The following GRM7 variants were observed in gnomAD, a reference collection of about 807,000 sequenced individuals.
GRM7 encodes the protein glutamate metabotropic receptor 7.
In GRM7, 35 loss-of-function variants were observed where a neutral mutation model predicts 84.5. That is an observed-to-expected ratio of 0.41 (90% CI 0.32 to 0.55). The LOEUF (loss-of-function observed/expected upper bound fraction) is 0.55, where lower values mean the gene tolerates loss of function less well. GRM7 is among the 20% of genes least tolerant of loss of function. The pLI, the probability that GRM7 is intolerant of heterozygous loss-of-function variation, is 0.19. For missense variants in GRM7, 1,003 were observed against 1,194.6 expected (o/e 0.84, Z 2.36); for synonymous variants, 487 against 455.1 (o/e 1.07, Z -0.89).
intron 8 of GRM7, among the ~76,000 whole-genome samples, chr3:7,621,472 A>T (rs1697348895): frequency 6.6e-6 from 1 of 152,154 alleles, no homozygotes; most frequent in Non-Finnish European, 1.5e-5. Flanking sequence ...ATTAGCATCT[A>T]CCGGAATGCA....
chr3:7,066,455 C>T (rs1193315238), intron 1 of GRM7, among the ~76,000 whole-genome samples: 1 of 151,812 alleles, frequency 6.6e-6, no homozygotes, highest in Non-Finnish European at 1.5e-5. Flanking sequence ...AAAAATACAA[C>T]ACTCTTAGCT....
chr3:7,357,503 T>C (rs933533947), intron 4 of GRM7, among the ~76,000 whole-genome samples: 19 of 152,094 alleles, frequency 1.2e-4, no homozygotes, highest in African/African-American at 4.3e-4. Flanking sequence ...TTTTTTCCTC[T>C]AGGTTGTTAT....
At chr3:7,345,129 A>G (rs1692831756) in intron 4 of GRM7, among the ~76,000 whole-genome samples, 1 of 152,144 alleles carries the variant, frequency 6.6e-6, no homozygotes, top group Non-Finnish European at 1.5e-5. Flanking sequence ...TTTTATAGAA[A>G]GAAGCTGACC....
chr3:7,444,172 C>A (rs544757441), intron 5 of GRM7, among the ~76,000 whole-genome samples: 2 of 152,272 alleles, frequency 1.3e-5, no homozygotes, highest in South Asian at 4.1e-4. Context: ...AAAGTTCAAC[C>A]TGAATACAAC....
chr3:7,619,252 A>G (rs1422336436), intron 8 of GRM7, among the ~76,000 whole-genome samples: 1 of 152,190 alleles, frequency 6.6e-6, no homozygotes, highest in Non-Finnish European at 1.5e-5. Flanking sequence ...AATTTAGGTT[A>G]TCAACATAAG....
chr3:7,108,173 A>T (rs1338263522), intron 1 of GRM7, among the ~76,000 whole-genome samples: 1 of 152,110 alleles, frequency 6.6e-6, no homozygotes, highest in Non-Finnish European at 1.5e-5. Flanking sequence ...ACGATAGAGT[A>T]TTCAAGTATT....
intron 7 of GRM7, among the ~76,000 whole-genome samples, chr3:7,564,976 G>A (rs1032185607): frequency 7.2e-5 from 11 of 152,124 alleles, no homozygotes; most frequent in Admixed American, 1.3e-4. Flanking sequence ...TTTTTCTCCC[G>A]TCTCATAATG....
chr3:7,416,934 T>C (rs2125183423), intron 5 of GRM7, among the ~76,000 whole-genome samples: 1 of 152,252 alleles, frequency 6.6e-6, no homozygotes, highest in South Asian at 2.1e-4. Flanking sequence ...GGGTTCTTTC[T>C]GACATTTTGT....
intron 9 of GRM7, among the ~76,000 whole-genome samples, chr3:7,707,518 T>C (rs374737484): frequency 6.6e-6 from 1 of 152,182 alleles, no homozygotes; most frequent in East Asian, 1.9e-4. Flanking sequence ...AATGCTTAAG[T>C]GACAGCACAA....
chr3:7,601,522 C>G (rs540010831), intron 8 of GRM7, among the ~76,000 whole-genome samples: 4 of 152,228 alleles, frequency 2.6e-5, no homozygotes, highest in African/African-American at 9.6e-5. Flanking sequence ...GATCTGGTTA[C>G]TCGACATAAC....
chr3:6,908,295 T>C (rs1696650333), intron 1 of GRM7, among the ~76,000 whole-genome samples: 1 of 152,222 alleles, frequency 6.6e-6, no homozygotes, highest in Non-Finnish European at 1.5e-5. Flanking sequence ...TTCACAGTTA[T>C]CTTCACCTTT....
At chr3:7,391,871 C>T (rs1209600759) in intron 4 of GRM7, among the ~76,000 whole-genome samples, 3 of 151,944 alleles carry the variant, frequency 2.0e-5, no homozygotes, top group Admixed American at 6.6e-5. Flanking sequence ...TGGAGCCTCT[C>T]GAGAAGCTGG....
intron 1 of GRM7, among the ~76,000 whole-genome samples, chr3:7,055,477 CTGTGTGTGTGTG>C (rs148298277): frequency 2.1e-5 from 3 of 143,586 alleles, no homozygotes; most frequent in Non-Finnish European, 4.6e-5. Flanking sequence ...TTTTATATAT[CTGTGTGTGTGTG>C]TGTGTGTGTG....
At chr3:7,462,868 A>G (rs543076797) in intron 7 of GRM7, among the ~76,000 whole-genome samples, 11 of 152,192 alleles carry the variant, frequency 7.2e-5, no homozygotes, top group Admixed American at 5.9e-4. Flanking sequence ...GGTACCGTCC[A>G]TGGCTTATAT....
At chr3:7,347,288 A>G (rs1021914336) in intron 4 of GRM7, among the ~76,000 whole-genome samples, 2 of 152,182 alleles carry the variant, frequency 1.3e-5, no homozygotes, top group African/African-American at 4.8e-5. Context: ...AGAGTTTGAG[A>G]AAACATGCCT....
chr3:7,104,149 CTCTCTTTCTCTT>C (rs768241578), intron 1 of GRM7, among the ~76,000 whole-genome samples: 4 of 151,592 alleles, frequency 2.6e-5, no homozygotes, highest in African/African-American at 9.7e-5. Flanking sequence ...ATTTCTCTCT[CTCTCTTTCTCTT>C]TCTCTTTTCA....
At position 7,602,546 on chromosome 3, in the gene GRM7, C is replaced by G. The variant is rs1462112082; in HGVS notation, c.2451+23189C>G. ...CTCACAGAGGAAACAATCCACATCT[C>G]TTCCGTGCTCTCCCCTGTGCCCAGG... On this transcript the variant is annotated intron_variant, in intron 8 of 9. Coordinates refer to ENST00000357716, the MANE Select transcript of GRM7 (RefSeq NM_000844.4). Among the ~76,000 whole-genome samples, 2 of 152,168 alleles carry G rather than the reference C, an allele frequency of 1.3e-5. 1 individual carries two copies. The highest frequency in any genetic ancestry group is 2.9e-5 in the Non-Finnish European group (2 of 68,026).
intron 9 of GRM7, among the ~76,000 whole-genome samples, chr3:7,734,251 G>GGT (rs146775272): frequency 2.2e-5 from 3 of 133,970 alleles, no homozygotes. Context: ...CAGGGGCGGG[G>GGT]GGGGGGTTTC....
At chr3:6,897,923 C>T (rs1290891320) in intron 1 of GRM7, among the ~76,000 whole-genome samples, 1 of 152,152 alleles carries the variant, frequency 6.6e-6, no homozygotes, top group African/African-American at 2.4e-5. Context: ...CCCATAGAGG[C>T]TGTGGCCTTA....
Sources: allele counts gnomAD v4.1 joint callset (sites outside exome capture counted in the v4.1 genomes callset), GRCh38; gene constraint gnomAD v4.1.1; transcripts MANE v1.5; gene names NCBI Gene and HGNC (gene_info 2026-07-23, HGNC 2026-07-21).